ZNF566: variants seen among roughly 807,000 people sequenced by gnomAD.
ZNF566 encodes the protein zinc finger protein 566.
A neutral mutation model predicts 32.8 loss-of-function variants in ZNF566; 27 were observed. The observed-to-expected ratio is 0.82, with a 90% CI of 0.61 to 1.14. ZNF566 has a LOEUF of 1.14. ZNF566 is among the 50% of genes most tolerant of loss of function. ZNF566 has a pLI of 0.00. For missense variants in ZNF566, 402 were observed against 490.4 expected, an observed-to-expected ratio of 0.82 and a Z score of 1.70; for synonymous variants, 154 against 159.5, an observed-to-expected ratio of 0.97 and a Z score of 0.26.
chr19:36,458,307 A>G (rs532325902), intron 4 of ZNF566, among the ~76,000 whole-genome samples: 2 of 152,112 alleles, frequency 1.3e-5, no homozygotes, highest in Non-Finnish European at 2.9e-5. Flanking sequence ...AAATACACAA[A>G]CACTGGAATA....
At chr19:36,463,625 C>G (rs571153422) in intron 4 of ZNF566, among the ~76,000 whole-genome samples, 1 of 150,162 alleles carries the variant, frequency 6.7e-6, no homozygotes, top group East Asian at 2.0e-4. Flanking sequence ...TCACTGCAAC[C>G]TCTGCCTCCT....
chr19:36,446,313 A>T lies in ZNF566; in HGVS notation c.*2664T>A, dbSNP rs1284744798. Reference sequence around the variant, plus strand: ...GAGACAGATTTTTTGAGACTCTGTCATGCAGGCTGGAGTGCAGTCAGGATC... The same window carrying T: ...GAGACAGATTTTTTGAGACTCTGTCTTGCAGGCTGGAGTGCAGTCAGGATC... On this transcript the variant is annotated 3_prime_UTR_variant, in exon 5 of 5. Coordinates refer to ENST00000452939, the MANE Select transcript of ZNF566 (RefSeq NM_001145344.1). 1.4e-5 allele frequency: 2 copies of T among 141,740 alleles called. No homozygotes were observed. The highest frequency in any genetic ancestry group is 3.0e-5 in the Non-Finnish European group (2 of 66,500). 8.8% of individuals were successfully genotyped at this position (141,740 alleles called of 1,614,324 possible).
intron 4 of ZNF566, among the ~76,000 whole-genome samples, chr19:36,467,874 C>T (rs2033663564): frequency 7.1e-6 from 1 of 140,262 alleles, no homozygotes; most frequent in African/African-American, 2.6e-5. Context: ...TATTATTATA[C>T]ACTCACTAAT....
At chr19:36,473,807 A>C (rs1442756245) in intron 2 of ZNF566, among the ~76,000 whole-genome samples, 1 of 152,212 alleles carries the variant, frequency 6.6e-6, no homozygotes, top group Non-Finnish European at 1.5e-5. Flanking sequence ...GATACATGTG[A>C]TCTTTCTCCC....
In ZNF566 at chr19:36,448,997, G is replaced by C. The variant is rs766664584; in HGVS notation, c.1237C>G (p.His413Asp). The C allele has an allele frequency of 2.2e-5, 35 of 1,585,464 alleles. No individual in the cohort carries two copies. The highest frequency in any genetic ancestry group is 2.9e-5 in the Non-Finnish European group (34 of 1,168,794). ...TTTCATCACCAGTACAAATTTTGAT[G>C]CTGAATAAGTTGTGGGTCATAATTA... Reference protein sequence around the residue: ...NFNYDPQLIQHQNLYW With the variant: ...NFNYDPQLIQDQNLYW The change falls in exon 5 of 5, where the codon CAT (histidine) becomes GAT (aspartate). Residue 413 changes from histidine to aspartate, a missense_variant. Physicochemically the swap from His to Asp is moderately conservative, Grantham distance 81. Transcript: ENST00000452939.
In ZNF566 at chr19:36,447,319, A is replaced by G. The variant is rs548324411; in HGVS notation, c.*1658T>C. On this transcript the variant is annotated 3_prime_UTR_variant, in exon 5 of 5. Transcript: ENST00000452939. ...GGCGTGAGCCAAGATGTGTACTTCT[A>G]TATAACTGAAATAGTTCCTTGAACA... 12 of 152,286 alleles carry G rather than the reference A, an allele frequency of 7.9e-5. No homozygotes were observed. Among genetic ancestry groups the G allele is most frequent in the Admixed American group, 7.2e-4 (11 of 15,284 alleles). The allele number at this position is 152,286 out of a possible 1,614,324, so 9.4% of individuals were successfully genotyped here. A position where few individuals can be genotyped will look rare whatever the true frequency, so the allele number is the denominator to read the frequency against.
rs1394524451 is a variant in ZNF566, at chr19:36,473,439, T to C, written c.29A>G (p.Asp10Gly). ...CTCCTGAGAGAAGTCTACGGACACA[T>C]CACTGAACATCACTGACTCCTGGAA... MAQESVMFS[D>G]VSVDFSQEEW... Residue 10 changes from aspartate to glycine, a missense_variant, in exon 3 of 5, where the codon GAT becomes GGT. Around this residue, in one of 3 missense-constraint regions of ZNF566, gnomAD observed 220 missense variants for 241.9 expected, o/e 0.91. Transcript: ENST00000452939. 6.2e-7 allele frequency: 1 copy of C among 1,603,468 alleles called. No individual in the cohort carries two copies.
At chr19:36,455,227 G>C (rs949216886) in intron 4 of ZNF566, among the ~76,000 whole-genome samples, 2 of 151,940 alleles carry the variant, frequency 1.3e-5, no homozygotes, top group Admixed American at 6.6e-5. Context: ...AATAATAAAG[G>C]CCATATATGA....
intron 1 of ZNF566, among the ~76,000 whole-genome samples, chr19:36,482,267 G>A (rs1042275061): frequency 2.4e-4 from 37 of 152,190 alleles, no homozygotes; most frequent in African/African-American, 7.7e-4. Context: ...CACCACGCCC[G>A]GCTAATTTTT....
Position 36,450,700 on chromosome 19 carries a change from C to T in ZNF566, c.233-699G>A, listed in dbSNP as rs189872246. 2.7e-3 allele frequency among the ~76,000 whole-genome samples: 405 copies of T among 152,218 alleles called. 2 individuals are homozygous for T. Among genetic ancestry groups the T allele is most frequent in the African/African-American group, 9.2e-3 (381 of 41,542 alleles). On this transcript the variant is annotated intron_variant, in intron 4 of 4. Transcript: ENST00000452939. The stretch of plus-strand genomic sequence containing the variant: ...AGGAATGATCACACTGTTAACAGGG[C>T]TATTGTCGGATGAAATGAATATGCC...
intron 4 of ZNF566, among the ~76,000 whole-genome samples, chr19:36,466,884 C>T (rs369353575): frequency 8.9e-4 from 135 of 151,790 alleles, no homozygotes; most frequent in Admixed American, 1.7e-3. Flanking sequence ...CTGGCTAACA[C>T]GGTGAAACCC....
At chr19:36,451,420 G>A (rs1216805509) in intron 4 of ZNF566, among the ~76,000 whole-genome samples, 1 of 152,140 alleles carries the variant, frequency 6.6e-6, no homozygotes, top group African/African-American at 2.4e-5. Context: ...AAAGAGAAGA[G>A]GGGACTTAAC....
chr19:36,456,233 C>T (rs1265320616), intron 4 of ZNF566, among the ~76,000 whole-genome samples: 1 of 151,294 alleles, frequency 6.6e-6, no homozygotes, highest in Non-Finnish European at 1.5e-5. Context: ...CTATAAAACA[C>T]TGATGAAAAA....
rs2033032626 is a variant in ZNF566, at chr19:36,447,760, C to T, written c.*1217G>A. 1 of 152,054 alleles carries T rather than the reference C, an allele frequency of 6.6e-6. No individual in the cohort carries two copies. The highest frequency in any genetic ancestry group is 1.5e-5 in the Non-Finnish European group (1 of 68,016). The allele number at this position is 152,054 out of a possible 1,614,324, so 9.4% of individuals were successfully genotyped here. A position where few individuals can be genotyped will look rare whatever the true frequency, so the allele number is the denominator to read the frequency against. ...CACATTATTCACAGTACTTTCCCCC[C>T]CAACACCTAGGATTATTTCATGTTC... On this transcript the variant is annotated 3_prime_UTR_variant, in exon 5 of 5. Transcript: ENST00000452939.
chr19:36,452,350 T>C (rs113184733), intron 4 of ZNF566, among the ~76,000 whole-genome samples: 2,089 of 151,578 alleles, frequency 0.014, 54 homozygotes, highest in African/African-American at 0.048. Context: ...TTGAGAAAAC[T>C]GAAGGCTTTA....
intron 4 of ZNF566, among the ~76,000 whole-genome samples, chr19:36,457,324 G>C (rs2145649542): frequency 6.6e-6 from 1 of 152,176 alleles, no homozygotes; most frequent in South Asian, 2.1e-4. Flanking sequence ...AGAAAAATAT[G>C]ATTACATCAA....
At chr19:36,461,990 GTTTTTT>G (rs34181356) in intron 4 of ZNF566, among the ~76,000 whole-genome samples, 12 of 138,664 alleles carry the variant, frequency 8.7e-5, no homozygotes, top group South Asian at 2.3e-4. Context: ...TGAACTTTGG[GTTTTTT>G]TTTTTTTTTG....
intron 4 of ZNF566, among the ~76,000 whole-genome samples, chr19:36,461,990 G>GTT (rs34181356): frequency 0.022 from 3,047 of 138,586 alleles, 48 homozygotes; most frequent in Middle Eastern, 0.049. Flanking sequence ...TGAACTTTGG[G>GTT]TTTTTTTTTT....
intron 4 of ZNF566, among the ~76,000 whole-genome samples, chr19:36,452,167 C>G (rs187842219): frequency 1.7e-4 from 25 of 151,204 alleles, no homozygotes; most frequent in African/African-American, 5.3e-4. Flanking sequence ...GAAGGTACAG[C>G]TTTGTAAACT....
Sources: gnomAD v4.1 joint callset for allele counts (sites outside exome capture counted in the v4.1 genomes callset) on GRCh38, gnomAD v4.1.1 for gene constraint, gnomAD v4.1.1 regional missense constraint, MANE v1.5 for transcripts, NCBI Gene and HGNC (gene_info 2026-07-23, HGNC 2026-07-21) for gene names.